Variants in MAG observed in about 807,000 individuals in gnomAD.
MAG encodes the protein myelin-associated glycoprotein.
Under a neutral mutation model 60.7 loss-of-function variants are expected in MAG, and 30 were observed. That is an observed-to-expected ratio of 0.49 (90% confidence interval 0.37 to 0.67). The LOEUF is 0.67. Ranked by LOEUF, MAG falls within the 30% of genes least tolerant of loss-of-function variation. The pLI is 0.00. For missense variants in MAG, 795 were observed against 851.7 expected (o/e 0.93, Z 0.83); for synonymous variants, 384 against 376.8 (o/e 1.02, Z -0.22).
chr19:35,308,264 C>T (rs1402940835), intron 7 of MAG, among the ~76,000 whole-genome samples: 1 of 152,148 alleles, frequency 6.6e-6, no homozygotes, highest in Non-Finnish European at 1.5e-5. Context: ...CCACAGGCAA[C>T]TGATGGAAGT....
chr19:35,306,000 C>A (rs1424090377), intron 7 of MAG, among the ~76,000 whole-genome samples: 21 of 128,018 alleles, frequency 1.6e-4, no homozygotes, highest in Non-Finnish European at 2.9e-4. Context: ...TCCCACCCCC[C>A]CACTCCAGCC....
chr19:35,307,547 C>T (rs1033269109), intron 7 of MAG, among the ~76,000 whole-genome samples: 9 of 152,106 alleles, frequency 5.9e-5, no homozygotes, highest in African/African-American at 1.9e-4. Context: ...ATTAGCCAGG[C>T]ATGGTGGCAC....
chr19:35,296,010 G>C lies in MAG; in HGVS notation c.415+29G>C, dbSNP rs201763311. On this transcript the variant is annotated intron_variant, in intron 4 of 10. Transcript: ENST00000392213. ...AGTCCCCAGCGGTTGTGCAGGCACC[G>C]GGAGCTGGGGCAGCGGGGCGGGAAG... is the stretch of plus-strand genomic sequence containing the variant. 8.7e-5 allele frequency: 134 copies of C among 1,532,008 alleles called. No homozygotes were observed. In the East Asian group the frequency reaches 2.3e-3, roughly 26 times the overall value. 94.9% of individuals were successfully genotyped at this position (1,532,008 alleles called of 1,614,324 possible). A position where few individuals can be genotyped will look rare whatever the true frequency, so the allele number is the denominator to read the frequency against.
In MAG at chr19:35,310,040, C is replaced by T. The variant is rs199807515; in HGVS notation, c.1398C>T (p.Ser466=). Residue 466 remains serine (S), a synonymous_variant, in exon 8 of 11, where the codon AGC becomes AGT. Coordinates refer to ENST00000392213, the MANE Select transcript of MAG (RefSeq NM_002361.4). ...GGGAGTTCGTGTACTCGGAGCGCAGCGGCCTCGTGCTCACCAGCATCCTCA... is the reference window on the plus strand; with the variant it reads ...GGGAGTTCGTGTACTCGGAGCGCAGTGGCCTCGTGCTCACCAGCATCCTCA... ...SEREFVYSER[S]GLVLTSILTL... The T allele has an allele frequency of 1.2e-6, 2 of 1,613,728 alleles. No individual in the cohort carries two copies. The highest frequency in any genetic ancestry group is 1.3e-5 in the African/African-American group (1 of 74,922).
chr19:35,305,876 G>GC (rs1442877195), intron 7 of MAG, among the ~76,000 whole-genome samples: 1 of 152,176 alleles, frequency 6.6e-6, no homozygotes, highest in Non-Finnish European at 1.5e-5. Flanking sequence ...AATCGCTTGA[G>GC]CCCGGGGGGT....
intron 8 of MAG, 94 bp downstream of exon 8, chr19:35,310,255 G>A: frequency 7.0e-7 from 1 of 1,422,886 alleles, no homozygotes; most frequent in East Asian, 2.4e-5. Context: ...ACAGAGCATG[G>A]GCTATGCAGA....
chr19:35,306,447 T>A (rs1311298994), intron 7 of MAG, among the ~76,000 whole-genome samples: 1 of 152,124 alleles, frequency 6.6e-6, no homozygotes, highest in Non-Finnish European at 1.5e-5. Context: ...TTTAATTTTT[T>A]ATTTTTTTGA....
chr19:35,305,546 C>T (rs1266174298), intron 7 of MAG, among the ~76,000 whole-genome samples: 1 of 152,308 alleles, frequency 6.6e-6, no homozygotes, highest in African/African-American at 2.4e-5. Context: ...CAGACCTGGG[C>T]TAGAATCCCA....
Position 35,300,205 on chromosome 19 carries a change from G to A in MAG, c.771G>A (p.Val257=), listed in dbSNP as rs143350237. The A allele has an allele frequency of 7.7e-5, 122 of 1,576,470 alleles. No homozygotes were observed. The African/African-American group carries it at 1.4e-3, about 19-fold the overall frequency. Residue 257 remains valine, a synonymous_variant, in exon 6 of 11, where the codon GTG becomes GTA. Transcript: ENST00000392213. ...TGGAGGCCATCGAGGGCTCCCACGT[G>A]AGCCTGCTCTGTGGGGCTGACAGCA... ...SSVEAIEGSH[V]SLLCGADSNP...
chr19:35,312,419 G>T, intron 10 of MAG: 1 of 1,157,260 alleles, frequency 8.6e-7, no homozygotes, highest in South Asian at 1.2e-5. Flanking sequence ...AGGCGTCAAG[G>T]TGGTCTCTGG....
At chr19:35,303,578 T>A (rs1256396423) in intron 7 of MAG, among the ~76,000 whole-genome samples, 3 of 152,172 alleles carry the variant, frequency 2.0e-5, no homozygotes, top group Non-Finnish European at 2.9e-5. Context: ...GACAGCAGAA[T>A]ACATTGATGG....
intron 6 of MAG, 96 bp from the exon 7 acceptor site, chr19:35,302,352 T>G: frequency 6.8e-7 from 1 of 1,466,618 alleles, no homozygotes; most frequent in Non-Finnish European, 9.3e-7. Flanking sequence ...TGTGCTAGGT[T>G]TGGGGTGGGA....
chr19:35,300,154 G>A lies in MAG; in HGVS notation c.720G>A (p.Pro240=). 1.3e-6 allele frequency: 2 copies of A among 1,534,364 alleles called. No homozygotes were observed. The highest frequency in any genetic ancestry group is 8.8e-7 in the Non-Finnish European group (1 of 1,136,850). ...CTGTGTCGCGGGCCTTAGACCCCCC[G>A]GTGATTGTGGAGATGAACTCCTCGG... ...GYASMDVKYP[P]VIVEMNSSVE... Residue 240 remains proline (P), a synonymous_variant, in exon 6 of 11, where the codon CCG becomes CCA. Coordinates refer to ENST00000392213, the MANE Select transcript of MAG (RefSeq NM_002361.4).
intron 7 of MAG, among the ~76,000 whole-genome samples, chr19:35,307,585 G>C (rs2069879402): frequency 6.6e-6 from 1 of 152,222 alleles, no homozygotes; most frequent in Admixed American, 6.5e-5. Flanking sequence ...TACTCAAGAG[G>C]CTGAGGCAGG....
chr19:35,308,589 C>T (rs1171813251), intron 7 of MAG, among the ~76,000 whole-genome samples: 1 of 152,158 alleles, frequency 6.6e-6, no homozygotes, highest in Non-Finnish European at 1.5e-5. Flanking sequence ...AAAAACCCTC[C>T]AGTAACTATC....
chr19:35,313,776 A>C lies in MAG; in HGVS notation c.*322A>C. The C allele has an allele frequency of 4.7e-6, 1 of 212,516 alleles. No individual in the cohort carries two copies. The highest frequency in any genetic ancestry group is 9.3e-6 in the Non-Finnish European group (1 of 107,616). 13.2% of individuals were successfully genotyped at this position (212,516 alleles called of 1,614,324 possible). A position where few individuals can be genotyped will look rare whatever the true frequency, so the allele number is the denominator to read the frequency against. On this transcript the variant is annotated 3_prime_UTR_variant, in exon 11 of 11. Coordinates refer to ENST00000392213, the MANE Select transcript of MAG (RefSeq NM_002361.4). ...ACACCTGGCCCTGGGGCCTGTACAA[A>C]AGGGACATGAAATAAATGCCCCAAA...
At chr19:35,311,537 T>C (rs1390844791) in intron 9 of MAG, among the ~76,000 whole-genome samples, 1 of 152,116 alleles carries the variant, frequency 6.6e-6, no homozygotes, top group Non-Finnish European at 1.5e-5. Context: ...CTGGCCCAAC[T>C]CAGCTGCAGC....
At position 35,309,844 on chromosome 19, in the gene MAG, C is replaced by A. The variant is rs758440071; in HGVS notation, c.1232-30C>A. 4 of 1,592,280 alleles carry A rather than the reference C, an allele frequency of 2.5e-6. 1 individual carries two copies. In the South Asian group the frequency reaches 4.4e-5, roughly 18 times the overall value. ...GGCCGGGCCTCGCGTTGGCTCCGGG[C>A]CACCCTCAGACCTGATTTTGCCCCT... On this transcript the variant is annotated intron_variant, in intron 7 of 10. Transcript: ENST00000392213.
intron 4 of MAG, among the ~76,000 whole-genome samples, chr19:35,297,888 CCA>C (rs2066413681): frequency 6.7e-6 from 1 of 149,574 alleles, no homozygotes; most frequent in South Asian, 2.1e-4. Flanking sequence ...CAAACACACA[CCA>C]CACACACATA....
Sources: gnomAD v4.1 joint callset for allele counts (sites outside exome capture counted in the v4.1 genomes callset) on GRCh38, gnomAD v4.1.1 for gene constraint, MANE v1.5 for transcripts, NCBI Gene and HGNC (gene_info 2026-07-23, HGNC 2026-07-21) for gene names.